Variants in EXT1 observed in about 807,000 individuals in gnomAD.
EXT1 encodes the protein exostosin-1.
Under a neutral mutation model 82.5 loss-of-function variants are expected in EXT1, and 20 were observed. The ratio of observed to expected loss-of-function variants is 0.24; its 90% CI spans 0.17 to 0.35. EXT1 has a LOEUF of 0.35. Ranked by LOEUF, EXT1 falls within the 10% of genes least tolerant of loss-of-function variation. The pLI, the probability that EXT1 is intolerant of heterozygous loss-of-function variation, is 1.00. For synonymous variants in EXT1, 348 were observed against 350.8 expected (o/e 0.99, Z 0.09); for missense variants, 757 against 936.5 (o/e 0.81, Z 2.50).
At chr8:117,922,596 G>T (rs571831639) in intron 1 of EXT1, among the ~76,000 whole-genome samples, 1 of 152,212 alleles carries the variant, frequency 6.6e-6, no homozygotes, top group South Asian at 2.1e-4. Flanking sequence ...GGCATGGTTT[G>T]TCTCTCATTA....
rs528613735 is a variant in EXT1, at chr8:117,997,217, C to T, written c.962+112868G>A. ...ATGCTCAAATTGAGGCATTGATTGG[C>T]CCTTCCCCGTATGGTATAGTTGTCA... On this transcript the variant is annotated intron_variant, in intron 1 of 10. Transcript: ENST00000378204. 1.9e-3 allele frequency among the ~76,000 whole-genome samples: 284 copies of T among 150,022 alleles called. 1 individual carries two copies. Among genetic ancestry groups the T allele is most frequent in the African/African-American group, 6.7e-3 (275 of 40,806 alleles).
At chr8:117,983,293 G>A (rs1379750230) in intron 1 of EXT1, among the ~76,000 whole-genome samples, 1 of 152,100 alleles carries the variant, frequency 6.6e-6, no homozygotes, top group Non-Finnish European at 1.5e-5. Flanking sequence ...AGACCAGCCT[G>A]GGCAACGTGG....
intron 2 of EXT1, 69 bp downstream of exon 2, chr8:117,837,039 T>C: frequency 9.6e-7 from 1 of 1,041,558 alleles, no homozygotes; most frequent in Non-Finnish European, 1.5e-6. Context: ...GGAGAGGTGA[T>C]AATGTTAAAC....
intron 1 of EXT1, among the ~76,000 whole-genome samples, chr8:117,849,951 T>C (rs1424957335): frequency 6.6e-6 from 1 of 152,250 alleles, no homozygotes; most frequent in African/African-American, 2.4e-5. Flanking sequence ...AAGAAGCATC[T>C]GGAATAGCTA....
intron 1 of EXT1, among the ~76,000 whole-genome samples, chr8:118,014,996 T>C (rs895518066): frequency 6.6e-6 from 1 of 152,210 alleles, no homozygotes; most frequent in African/African-American, 2.4e-5. Flanking sequence ...CAAATTGACA[T>C]TCCAATTTAA....
At chr8:118,108,179 G>A (rs181059853) in intron 1 of EXT1, among the ~76,000 whole-genome samples, 3 of 152,276 alleles carry the variant, frequency 2.0e-5, no homozygotes, top group South Asian at 4.2e-4. Flanking sequence ...ACGTAGAAAC[G>A]TAATATTTAT....
intron 1 of EXT1, among the ~76,000 whole-genome samples, chr8:117,940,750 C>A (rs1175998748): frequency 1.3e-5 from 2 of 152,194 alleles, no homozygotes; most frequent in Non-Finnish European, 2.9e-5. Flanking sequence ...AAATTGAAAT[C>A]TGTCTGGGTC....
chr8:117,823,098 T>A (rs17503314), intron 4 of EXT1, among the ~76,000 whole-genome samples: 3,521 of 152,274 alleles, frequency 0.023, 129 homozygotes, highest in African/African-American at 0.081. Context: ...AAGAGGTAGA[T>A]GTGTATACTT....
chr8:118,016,658 T>C (rs1047275952), intron 1 of EXT1, among the ~76,000 whole-genome samples: 1 of 152,194 alleles, frequency 6.6e-6, no homozygotes, highest in Admixed American at 6.5e-5. Context: ...TGCTCTGCAT[T>C]ATGCTCACCA....
intron 1 of EXT1, among the ~76,000 whole-genome samples, chr8:117,879,067 T>G (rs1482332174): frequency 1.3e-5 from 2 of 152,234 alleles, no homozygotes; most frequent in African/African-American, 4.8e-5. Flanking sequence ...CTCATTTCAT[T>G]GGCCAAAGCA....
chr8:118,094,615 T>G (rs1448948605), intron 1 of EXT1, among the ~76,000 whole-genome samples: 1 of 152,256 alleles, frequency 6.6e-6, no homozygotes, highest in Non-Finnish European at 1.5e-5. Flanking sequence ...ATTACTCATT[T>G]AATCCCTGTA....
intron 1 of EXT1, among the ~76,000 whole-genome samples, chr8:118,056,023 G>A (rs1195021325): frequency 6.6e-6 from 1 of 152,142 alleles, no homozygotes; most frequent in African/African-American, 2.4e-5. Flanking sequence ...AAGAAGAACT[G>A]TCTTGGGCTA....
intron 1 of EXT1, among the ~76,000 whole-genome samples, chr8:117,989,840 A>G (rs1346554314): frequency 6.6e-6 from 1 of 152,104 alleles, no homozygotes; most frequent in Non-Finnish European, 1.5e-5. Flanking sequence ...GACAGCAACT[A>G]TGCCAAAAAA....
chr8:117,855,197 C>T (rs564133340), intron 1 of EXT1, among the ~76,000 whole-genome samples: 2 of 152,302 alleles, frequency 1.3e-5, no homozygotes, highest in East Asian at 1.9e-4. Flanking sequence ...AACTAAGTGG[C>T]AGGTCTGCTC....
chr8:118,039,257 T>C lies in EXT1; in HGVS notation c.962+70828A>G, dbSNP rs17480096. On this transcript the variant is annotated intron_variant, in intron 1 of 10. Coordinates refer to ENST00000378204, the MANE Select transcript of EXT1 (RefSeq NM_000127.3). The stretch of plus-strand genomic sequence containing the variant: ...CTTTCTTTTATTCCAAGGTTAAACC[T>C]CTATTCTATTTCAACATTAATGCCA... 8.0e-3 allele frequency among the ~76,000 whole-genome samples: 1,221 copies of C among 152,186 alleles called. 15 individuals are homozygous for C. The highest frequency in any genetic ancestry group is 0.059 in the East Asian group (308 of 5,180).
chr8:118,107,606 A>T (rs781552901), intron 1 of EXT1, among the ~76,000 whole-genome samples: 1 of 152,238 alleles, frequency 6.6e-6, no homozygotes, highest in Non-Finnish European at 1.5e-5. Context: ...CAATATAAGT[A>T]GCACAGTAGT....
chr8:117,902,090 C>T (rs948836284), intron 1 of EXT1, among the ~76,000 whole-genome samples: 1 of 151,474 alleles, frequency 6.6e-6, no homozygotes, highest in African/African-American at 2.4e-5. Context: ...AGAGCCTACA[C>T]AGGGTCAGAA....
At chr8:117,984,467 A>C (rs1444686129) in intron 1 of EXT1, among the ~76,000 whole-genome samples, 3 of 151,414 alleles carry the variant, frequency 2.0e-5, no homozygotes, top group Admixed American at 6.6e-5. Flanking sequence ...AAAAACAAAG[A>C]AAAGAAAAGA....
chr8:118,078,253 C>T (rs1253908550), intron 1 of EXT1, among the ~76,000 whole-genome samples: 1 of 152,184 alleles, frequency 6.6e-6, no homozygotes, highest in Non-Finnish European at 1.5e-5. Flanking sequence ...GGTTGGCGTG[C>T]AGTGGCACAA....
Sources: allele counts gnomAD v4.1 joint callset (sites outside exome capture counted in the v4.1 genomes callset), GRCh38; gene constraint gnomAD v4.1.1; transcripts MANE v1.5; gene names NCBI Gene and HGNC (gene_info 2026-07-23, HGNC 2026-07-21).